The following PIEZO1 variants were observed in gnomAD, a reference collection of about 807,000 sequenced individuals.
The protein encoded by PIEZO1 is piezo type mechanosensitive ion channel component 1 (Er blood group).
PIEZO1 carries 296 observed loss-of-function variants against 297.2 expected under a neutral mutation model. The ratio of observed to expected loss-of-function variants is 1.00; its 90% CI spans 0.91 to 1.10. The LOEUF (loss-of-function observed/expected upper bound fraction) is 1.10, where lower values mean the gene tolerates loss of function less well. PIEZO1 is among the 50% of genes least tolerant of loss of function. PIEZO1 has a pLI of 0.00. For missense variants in PIEZO1, 5,018 were observed against 3,455.5 expected (o/e 1.45, Z -11.34); for synonymous variants, 2,427 against 1,507.5 (o/e 1.61, Z -14.13).
In PIEZO1 at chr16:88,755,135, G is replaced by A. The variant is rs1365609540; in HGVS notation, c.65-5656C>T. ...CCCGTACAGTCCTGTGGCACTAGCC[G>A]AGGACCACGACTGTCACCTCCACAT... On this transcript the variant is annotated intron_variant, in intron 1 of 50. Transcript: ENST00000301015. Among the ~76,000 whole-genome samples the A allele has an allele frequency of 4.6e-5, 7 of 152,220 alleles. No individual in the cohort carries two copies. The East Asian group carries it at 9.6e-4, about 21-fold the overall frequency.
chr16:88,778,950 C>T (rs569767255), intron 1 of PIEZO1, among the ~76,000 whole-genome samples: 2 of 151,928 alleles, frequency 1.3e-5, no homozygotes, highest in Admixed American at 6.6e-5. Flanking sequence ...GTGCATGGCG[C>T]GTTCACCAGA....
chr16:88,751,487 G>A (rs576070056), intron 1 of PIEZO1, among the ~76,000 whole-genome samples: 2 of 152,214 alleles, frequency 1.3e-5, no homozygotes, highest in Non-Finnish European at 2.9e-5. Flanking sequence ...TCGGCTTAGC[G>A]CACACATCGC....
At position 88,716,130 on chromosome 16, in the gene PIEZO1, G is replaced by A. The variant is rs771536709; in HGVS notation, c.7130-11C>T. 2 of 1,538,414 alleles carry A rather than the reference G, an allele frequency of 1.3e-6. No homozygotes were observed. The highest frequency in any genetic ancestry group is 1.8e-6 in the Non-Finnish European group (2 of 1,138,568). The stretch of plus-strand genomic sequence containing the variant: ...AGTCGGCCTCCTCATCTGGGATGGA[G>A]GGAGAAGATCGTTGAGGCCGCAGGT... On this transcript the variant is annotated splice_polypyrimidine_tract_variant and intron_variant, in intron 49 of 50. Coordinates refer to ENST00000301015, the MANE Select transcript of PIEZO1 (RefSeq NM_001142864.4).
In PIEZO1 at chr16:88,722,827, G is replaced by A. The variant is rs1323567716; in HGVS notation, c.4668+10C>T. The A allele has an allele frequency of 1.9e-6, 3 of 1,543,280 alleles. No individual in the cohort carries two copies. The highest frequency in any genetic ancestry group is 2.0e-5 in the Admixed American group (1 of 50,982). On this transcript the variant is annotated intron_variant, in intron 34 of 50. Transcript: ENST00000301015. Reference sequence around the variant, plus strand: ...GAGCAGGGACGAGCGTGGTGCACGGGCAGGCTCACCTGCAGGAGCTCCTGT... The same window carrying A: ...GAGCAGGGACGAGCGTGGTGCACGGACAGGCTCACCTGCAGGAGCTCCTGT...
intron 25 of PIEZO1, 34 bp from the exon 26 acceptor site, chr16:88,726,677 G>A: frequency 7.0e-7 from 1 of 1,426,300 alleles, no homozygotes; most frequent in Non-Finnish European, 9.4e-7. Flanking sequence ...GGCCAGCGGG[G>A]CCCCAGGGCG....
Position 88,717,910 on chromosome 16 carries a change from G to A in PIEZO1, c.6472-699C>T, listed in dbSNP as rs924496287. On this transcript the variant is annotated intron_variant, in intron 44 of 50. Transcript: ENST00000301015. ...CACTTTGAGGTCAGGAGTTTGAGAC[G>A]AACCTGGCCAAAAATACAAAAGACT... 2.0e-5 allele frequency: 8 copies of A among 392,432 alleles called. No homozygotes were observed. The East Asian group carries it at 4.4e-4, about 21-fold the overall frequency. The allele number at this position is 392,432 out of a possible 1,614,324, so 24.3% of individuals were successfully genotyped here.
In PIEZO1 at chr16:88,785,127, C is replaced by A; in HGVS notation, c.-163G>T. 1 of 358,216 alleles carries A rather than the reference C, an allele frequency of 2.8e-6. No homozygotes were observed. Among genetic ancestry groups the A allele is most frequent in the Non-Finnish European group, 4.6e-6 (1 of 218,496 alleles). 22.2% of individuals were successfully genotyped at this position (358,216 alleles called of 1,614,324 possible). A position where few individuals can be genotyped will look rare whatever the true frequency, so the allele number is the denominator to read the frequency against. ...TCGGCCGCCCCGCCGGTGCCGACGT[C>A]CCGGGCCCGCGCTCGCTCAGGCGAC... On this transcript the variant is annotated 5_prime_UTR_variant, in exon 1 of 51. Coordinates refer to ENST00000301015, the MANE Select transcript of PIEZO1 (RefSeq NM_001142864.4).
intron 33 of PIEZO1, 29 bp downstream of exon 33, chr16:88,723,066 T>G (rs1356261149): frequency 3.2e-6 from 5 of 1,545,258 alleles, no homozygotes; most frequent in African/African-American, 1.4e-5. Flanking sequence ...AAGAGAGACC[T>G]CCCACTCCCC....
intron 1 of PIEZO1, among the ~76,000 whole-genome samples, chr16:88,758,857 A>G (rs533225348): frequency 1.3e-5 from 2 of 152,346 alleles, no homozygotes; most frequent in South Asian, 2.1e-4. Context: ...GAGAGCAAAC[A>G]TGCACCAATC....
At chr16:88,735,423 G>A (rs973312151) in intron 12 of PIEZO1, among the ~76,000 whole-genome samples, 177 bp from the exon 13 acceptor site, 2 of 152,208 alleles carry the variant, frequency 1.3e-5, no homozygotes, top group African/African-American at 4.8e-5. Flanking sequence ...CCACTCAGAG[G>A]CACACGAGCA....
chr16:88,785,026 G>T lies in PIEZO1; in HGVS notation c.-62C>A. 5.9e-6 allele frequency: 6 copies of T among 1,025,282 alleles called. No homozygotes were observed. Among genetic ancestry groups the T allele is most frequent in the East Asian group, 3.9e-5 (1 of 25,722 alleles). 63.5% of individuals were successfully genotyped at this position (1,025,282 alleles called of 1,614,324 possible). On this transcript the variant is annotated 5_prime_UTR_variant, in exon 1 of 51. Coordinates refer to ENST00000301015, the MANE Select transcript of PIEZO1 (RefSeq NM_001142864.4). ...ACGCCGCGGCGCTATGGGGCGGTGC[G>T]GGGGCCCCGGGGCCGGCGCGCCATG...
At position 88,727,035 on chromosome 16, in the gene PIEZO1, C is replaced by T. The variant is rs571791933; in HGVS notation, c.3455+4G>A. Reference sequence around the variant, plus strand: ...TTCCCCGTGGAGGGTGACGTGGAACCCACCTGCAGTGGATAAAGTTGGGCA... The same window carrying T: ...TTCCCCGTGGAGGGTGACGTGGAACTCACCTGCAGTGGATAAAGTTGGGCA... On this transcript the variant is annotated splice_donor_region_variant and intron_variant, in intron 24 of 50. Transcript: ENST00000301015. The T allele has an allele frequency of 1.3e-6, 2 of 1,547,918 alleles. No individual in the cohort carries two copies. Among genetic ancestry groups the T allele is most frequent in the East Asian group, 2.4e-5 (1 of 40,860 alleles).
chr16:88,737,537 C>A, intron 10 of PIEZO1, 22 bp downstream of exon 10: 3 of 1,495,320 alleles, frequency 2.0e-6, no homozygotes, highest in Non-Finnish European at 2.7e-6. Context: ...CCCAGCCATA[C>A]CTTGCAGTGT....
intron 10 of PIEZO1, chr16:88,736,949 G>C (rs1597460582): frequency 2.2e-6 from 1 of 463,676 alleles, no homozygotes; most frequent in East Asian, 3.7e-5. Flanking sequence ...CGTTCTCTGG[G>C]CCTCACTTTC....
intron 3 of PIEZO1, 80 bp from the exon 4 acceptor site, chr16:88,742,175 C>G (rs939656729): frequency 1.3e-5 from 20 of 1,517,332 alleles, no homozygotes; most frequent in Non-Finnish European, 1.8e-5. Context: ...AGCGTTTCAC[C>G]TGGACCATCC....
At chr16:88,770,837 C>G (rs1907391418) in intron 1 of PIEZO1, among the ~76,000 whole-genome samples, 1 of 152,254 alleles carries the variant, frequency 6.6e-6, no homozygotes, top group Admixed American at 6.5e-5. Context: ...ACCAGAGTCG[C>G]TGGGCCTCAT....
At chr16:88,717,283 C>T in intron 44 of PIEZO1, 72 bp from the exon 45 acceptor site, 1 of 1,396,720 alleles carries the variant, frequency 7.2e-7, no homozygotes, top group Non-Finnish European at 9.8e-7. Flanking sequence ...CATTCTCCAG[C>T]TCACCCAGCA....
chr16:88,774,294 G>C (rs1172049976), intron 1 of PIEZO1, among the ~76,000 whole-genome samples: 1 of 152,254 alleles, frequency 6.6e-6, no homozygotes. Flanking sequence ...AGGAGGCTGA[G>C]GCATGAGAAT....
At position 88,732,494 on chromosome 16, in the gene PIEZO1, G is replaced by A. The variant is rs754795016; in HGVS notation, c.2832C>T (p.Ile944=). The change falls in exon 21 of 51, where the codon ATC becomes ATT. Residue 944 remains isoleucine, a synonymous_variant. Transcript: ENST00000301015. ...QVLLLLVFEA[I]VYRRQEHYRR... is the part of the protein sequence containing the mutation. ...GGTAGTGCTCCTGGCGCCGGTACAC[G>A]ATGGCCTCGAATACCAGCAGCAGCA... The A allele has an allele frequency of 2.1e-5, 33 of 1,548,606 alleles. No individual in the cohort carries two copies. Among genetic ancestry groups the A allele is most frequent in the South Asian group, 1.2e-4 (10 of 83,992 alleles).
Sources: allele counts gnomAD v4.1 joint callset (sites outside exome capture counted in the v4.1 genomes callset), GRCh38; gene constraint gnomAD v4.1.1; transcripts MANE v1.5; gene names NCBI Gene and HGNC (gene_info 2026-07-23, HGNC 2026-07-21).